Variants in LSAMP observed in about 807,000 individuals in gnomAD.
LSAMP encodes the protein limbic system-associated membrane protein.
LSAMP carries 7 observed loss-of-function variants against 38.6 expected under a neutral mutation model. The observed-to-expected ratio is 0.18, with a 90% CI of 0.10 to 0.34. LSAMP has a LOEUF of 0.34. LSAMP is among the 10% of genes least tolerant of loss of function. LSAMP has a pLI of 1.00. For synonymous variants in LSAMP, 154 were observed against 166.8 expected (o/e 0.92, Z 0.59); for missense variants, 313 against 420.0 (o/e 0.75, Z 2.23).
intron 2 of LSAMP, among the ~76,000 whole-genome samples, chr3:116,064,350 A>AC (rs971053260): frequency 3.9e-4 from 60 of 152,212 alleles, no homozygotes; most frequent in Middle Eastern, 6.8e-3. Context: ...ACATGGTGAA[A>AC]CCCCGTCTCT....
rs2046147522 is a variant in LSAMP at position 116,210,878 on chromosome 3, CTT to C, written c.156-124324_156-124323del. Among the ~76,000 whole-genome samples the C allele has an allele frequency of 2.6e-5, 4 of 152,152 alleles. No homozygotes were observed. In the South Asian group the frequency reaches 8.3e-4, roughly 32 times the overall value. On this transcript the variant is annotated intron_variant, in intron 1 of 6. Coordinates refer to ENST00000490035, the MANE Select transcript of LSAMP (RefSeq NM_002338.5). ...ATCAGTGTGTCGAAGAGATATCCAG[CTT>C]TTATGTTCATTGCAGCACTGTTCAA...
intron 3 of LSAMP, among the ~76,000 whole-genome samples, chr3:115,967,600 G>A (rs1938861153): frequency 6.6e-6 from 1 of 152,076 alleles, no homozygotes; most frequent in African/African-American, 2.4e-5. Context: ...ATAAAGACAT[G>A]CTTGAGACTG....
intron 2 of LSAMP, among the ~76,000 whole-genome samples, chr3:116,036,094 T>C (rs1941039242): frequency 6.6e-6 from 1 of 152,194 alleles, no homozygotes; most frequent in Non-Finnish European, 1.5e-5. Flanking sequence ...TCATGAGAAC[T>C]CAGTAGTATC....
intron 1 of LSAMP, among the ~76,000 whole-genome samples, chr3:116,357,754 G>A (rs2048245623): frequency 6.6e-6 from 1 of 152,020 alleles, no homozygotes; most frequent in African/African-American, 2.4e-5. Context: ...TTGTTCCAAA[G>A]CTAATATAAG....
At chr3:116,093,885 C>G (rs9838473) in intron 1 of LSAMP, among the ~76,000 whole-genome samples, 1 of 152,048 alleles carries the variant, frequency 6.6e-6, no homozygotes, top group Admixed American at 6.6e-5. Context: ...ATCAGCAAAA[C>G]TATCATAGAA....
chr3:116,022,366 T>C (rs1239062748), intron 2 of LSAMP, among the ~76,000 whole-genome samples: 2 of 152,148 alleles, frequency 1.3e-5, no homozygotes, highest in African/African-American at 4.8e-5. Context: ...CTTGCGGGAA[T>C]TGTTCTACAC....
intron 3 of LSAMP, among the ~76,000 whole-genome samples, chr3:115,904,686 C>T (rs1936965723): frequency 6.6e-6 from 1 of 152,114 alleles, no homozygotes; most frequent in Non-Finnish European, 1.5e-5. Flanking sequence ...TAGGGACACT[C>T]AGGGTTTCTT....
chr3:115,879,778 C>T (rs1027858648), intron 3 of LSAMP, among the ~76,000 whole-genome samples: 2 of 152,162 alleles, frequency 1.3e-5, no homozygotes, highest in African/African-American at 4.8e-5. Context: ...ACAAAAGAGG[C>T]CTGGGTAAAA....
intron 1 of LSAMP, among the ~76,000 whole-genome samples, chr3:116,291,366 G>A (rs2047265511): frequency 6.6e-6 from 1 of 152,200 alleles, no homozygotes; most frequent in African/African-American, 2.4e-5. Flanking sequence ...TAGAAGTCAT[G>A]AGATCTGGGC....
intron 1 of LSAMP, among the ~76,000 whole-genome samples, chr3:116,191,258 T>C (rs1343274421): frequency 6.6e-6 from 1 of 152,034 alleles, no homozygotes; most frequent in East Asian, 1.9e-4. Context: ...CGAATGCAAA[T>C]GTCTATCCTC....
chr3:116,220,950 C>T (rs559965629), intron 1 of LSAMP, among the ~76,000 whole-genome samples: 15 of 152,072 alleles, frequency 9.9e-5, no homozygotes, highest in East Asian at 1.9e-4. Flanking sequence ...GTCAGGAGAT[C>T]GAGACCATCC....
At chr3:115,932,913 C>T (rs1200961657) in intron 3 of LSAMP, among the ~76,000 whole-genome samples, 4 of 152,104 alleles carry the variant, frequency 2.6e-5, no homozygotes, top group African/African-American at 9.7e-5. Flanking sequence ...ACATCTCTTC[C>T]TGCTGAACAG....
chr3:116,253,439 T>C (rs1002263923), intron 1 of LSAMP, among the ~76,000 whole-genome samples: 1 of 152,224 alleles, frequency 6.6e-6, no homozygotes, highest in African/African-American at 2.4e-5. Flanking sequence ...AGGTGATACA[T>C]ATAGCATGTT....
chr3:115,854,187 A>G (rs1182615438), intron 3 of LSAMP, among the ~76,000 whole-genome samples: 1 of 151,000 alleles, frequency 6.6e-6, no homozygotes, highest in African/African-American at 2.4e-5. Flanking sequence ...TCTGCACATT[A>G]TCTTTATCTA....
chr3:116,382,053 C>A (rs1366722065), intron 1 of LSAMP, among the ~76,000 whole-genome samples: 1 of 152,066 alleles, frequency 6.6e-6, no homozygotes, highest in Non-Finnish European at 1.5e-5. Flanking sequence ...AATACTTTTA[C>A]ACTTTTGGTT....
chr3:116,353,824 A>C (rs1559838775), intron 1 of LSAMP, among the ~76,000 whole-genome samples: 1 of 152,120 alleles, frequency 6.6e-6, no homozygotes, highest in Non-Finnish European at 1.5e-5. Flanking sequence ...CTGGACTATA[A>C]ATTATTAACC....
At chr3:116,148,625 A>G (rs755220761) in intron 1 of LSAMP, among the ~76,000 whole-genome samples, 5 of 152,038 alleles carry the variant, frequency 3.3e-5, no homozygotes, top group Non-Finnish European at 7.4e-5. Flanking sequence ...TCATAGATAT[A>G]TAAGTTCCAG....
chr3:116,116,455 G>T (rs1708747702), intron 1 of LSAMP, among the ~76,000 whole-genome samples: 1 of 151,048 alleles, frequency 6.6e-6, no homozygotes, highest in African/African-American at 2.4e-5. Flanking sequence ...CCAGCACTTT[G>T]GGAGGCCGAG....
At chr3:116,177,861 T>G (rs1306214109) in intron 1 of LSAMP, among the ~76,000 whole-genome samples, 1 of 152,170 alleles carries the variant, frequency 6.6e-6, no homozygotes, top group African/African-American at 2.4e-5. Context: ...TGTCCCTGAC[T>G]TGTAAAAGCT....
Sources: allele counts gnomAD v4.1 joint callset (sites outside exome capture counted in the v4.1 genomes callset), GRCh38; gene constraint gnomAD v4.1.1; transcripts MANE v1.5; gene names NCBI Gene and HGNC (gene_info 2026-07-23, HGNC 2026-07-21).